SRRM1: variants seen among roughly 807,000 people sequenced by gnomAD.
The protein encoded by SRRM1 is serine/arginine repetitive matrix protein 1.
Under a neutral mutation model 110.2 loss-of-function variants are expected in SRRM1, and 19 were observed. The observed-to-expected ratio is 0.17, with a 90% CI of 0.12 to 0.25. The LOEUF is 0.25. Among genes scored for constraint, SRRM1 ranks in the 10% least tolerant of loss-of-function variants. The pLI is 1.00. For synonymous variants in SRRM1, 443 were observed against 414.9 expected (o/e 1.07, Z -0.82); for missense variants, 918 against 1,145.8 (o/e 0.80, Z 2.87).
At chr1:24,655,319 A>G (rs569549036) in intron 9 of SRRM1, among the ~76,000 whole-genome samples, 190 bp downstream of exon 9, 1 of 152,246 alleles carries the variant, frequency 6.6e-6, no homozygotes, top group Admixed American at 6.5e-5. Context: ...TATGTGTAAA[A>G]GGGTTTTGTT....
At position 24,648,791 on chromosome 1, in the gene SRRM1, G is replaced by T; in HGVS notation, c.235-68G>T. 2.8e-6 allele frequency: 4 copies of T among 1,438,514 alleles called. No individual in the cohort carries two copies. The South Asian group carries it at 4.7e-5, about 17-fold the overall frequency. 89.1% of individuals were successfully genotyped at this position (1,438,514 alleles called of 1,614,324 possible). A position where few individuals can be genotyped will look rare whatever the true frequency, so the allele number is the denominator to read the frequency against. On this transcript the variant is annotated intron_variant, in intron 3 of 16. Transcript: ENST00000323848. ...AAATACTAATTTAAATGAGTTTTAG[G>T]TTGGTTGATTTGTTGGTTGGTTGGT... is the stretch of plus-strand genomic sequence containing the variant.
intron 12 of SRRM1, among the ~76,000 whole-genome samples, chr1:24,663,497 C>T (rs1234664393): frequency 6.6e-6 from 1 of 152,136 alleles, no homozygotes; most frequent in Non-Finnish European, 1.5e-5. Flanking sequence ...CATCAACTTA[C>T]ATCAAGCAGC....
At chr1:24,666,076 C>G (rs2148688302) in intron 12 of SRRM1, among the ~76,000 whole-genome samples, 1 of 152,248 alleles carries the variant, frequency 6.6e-6, no homozygotes, top group Non-Finnish European at 1.5e-5. Context: ...GAGCCTTTCC[C>G]AAAAACACCT....
chr1:24,666,181 T>G (rs1448476289), intron 12 of SRRM1, among the ~76,000 whole-genome samples: 2 of 152,222 alleles, frequency 1.3e-5, no homozygotes, highest in Non-Finnish European at 2.9e-5. Context: ...AGTGCTCTTA[T>G]GTGCTGTTGC....
At chr1:24,661,041 G>A (rs1209835440) in intron 10 of SRRM1, 1 of 537,140 alleles carries the variant, frequency 1.9e-6, no homozygotes, top group Non-Finnish European at 3.3e-6. Context: ...GGACAGTAGA[G>A]GTTTTTGACA....
At chr1:24,650,172 G>T in intron 5 of SRRM1, 86 bp downstream of exon 5, 3 of 1,282,566 alleles carry the variant, frequency 2.3e-6, no homozygotes, top group Non-Finnish European at 3.1e-6. Flanking sequence ...ATCTAACAGC[G>T]CTATTCAAGG....
At chr1:24,660,516 GGC>G (rs1666628494) in intron 9 of SRRM1, among the ~76,000 whole-genome samples, 2 of 152,142 alleles carry the variant, frequency 1.3e-5, no homozygotes, top group Non-Finnish European at 2.9e-5. Flanking sequence ...TGGGCACAGT[GGC>G]TTGTGCCTGT....
intron 12 of SRRM1, 75 bp from the exon 13 acceptor site, chr1:24,666,740 G>A: frequency 8.4e-7 from 1 of 1,189,708 alleles, no homozygotes; most frequent in Admixed American, 2.0e-5. Flanking sequence ...ACTCCAGCCT[G>A]GGCGACAGAG....
Position 24,663,703 on chromosome 1 carries a change from C to A in SRRM1, c.1628+899C>A, listed in dbSNP as rs183047195. On this transcript the variant is annotated intron_variant, in intron 12 of 16. Transcript: ENST00000323848. ...ACCATCCTGGCCAACATGGTGAAAC[C>A]CCATTTCTACTAAAAATACAAAAAT... Among the ~76,000 whole-genome samples, 413 of 151,788 alleles carry A rather than the reference C, an allele frequency of 2.7e-3. 3 individuals carry two copies. The highest frequency in any genetic ancestry group is 4.4e-3 in the Non-Finnish European group (296 of 67,956).
chr1:24,652,058 A>G (rs992228617), intron 6 of SRRM1, among the ~76,000 whole-genome samples: 2 of 135,908 alleles, frequency 1.5e-5, no homozygotes, highest in East Asian at 4.3e-4. Context: ...ATATATATAT[A>G]TATATGTACA....
intron 9 of SRRM1, among the ~76,000 whole-genome samples, chr1:24,660,245 G>T (rs1012187106): frequency 6.6e-6 from 1 of 152,186 alleles, no homozygotes; most frequent in East Asian, 1.9e-4. Flanking sequence ...GTAGCACACA[G>T]AGGTTTACTT....
intron 3 of SRRM1, chr1:24,648,254 T>C (rs1457995459): frequency 6.6e-6 from 1 of 152,250 alleles, no homozygotes. Context: ...CCAATTATTT[T>C]TGAGAAATCT....
Position 24,657,744 on chromosome 1 carries a change from C to G in SRRM1, c.1315+2615C>G, listed in dbSNP as rs186469292. On this transcript the variant is annotated intron_variant, in intron 9 of 16. Transcript: ENST00000323848. Reference sequence around the variant, plus strand: ...CTGACATTTCATAAATTGGCATTATCTTAGTACATAAAATAGTGCTTGAAA... The same window carrying G: ...CTGACATTTCATAAATTGGCATTATGTTAGTACATAAAATAGTGCTTGAAA... Among the ~76,000 whole-genome samples, 27 of 152,302 alleles carry G rather than the reference C, an allele frequency of 1.8e-4. No homozygotes were observed. The East Asian group carries it at 5.0e-3, about 28-fold the overall frequency.
chr1:24,665,432 A>T (rs1279036311), intron 12 of SRRM1, among the ~76,000 whole-genome samples: 2 of 150,186 alleles, frequency 1.3e-5, no homozygotes, highest in South Asian at 2.1e-4. Context: ...TCCGTCTCAA[A>T]AAAAAAAAAA....
intron 14 of SRRM1, 195 bp downstream of exon 14, chr1:24,669,782 C>T (rs1671811344): frequency 1.7e-6 from 1 of 604,390 alleles, no homozygotes; most frequent in African/African-American, 1.9e-5. Context: ...CAGGCTTTTA[C>T]TTGGTTCTTA....
intron 6 of SRRM1, among the ~76,000 whole-genome samples, chr1:24,652,062 A>ATATATATATATATG (rs1661229576): frequency 7.5e-6 from 1 of 132,452 alleles, no homozygotes; most frequent in Admixed American, 7.7e-5. Flanking sequence ...ATATATATAT[A>ATATATATATATATG]TGTACACACA....
intron 8 of SRRM1, chr1:24,654,173 A>G: frequency 1.9e-6 from 1 of 534,178 alleles, no homozygotes; most frequent in South Asian, 1.7e-5. Flanking sequence ...TATTTCTTAT[A>G]CTGGAGTTTT....
chr1:24,669,363 T>C lies in SRRM1; in HGVS notation c.1980T>C (p.His660=), dbSNP rs1304424756. The change falls in exon 14 of 17, where the codon CAT becomes CAC. Residue 660 remains histidine, a synonymous_variant. Transcript: ENST00000323848. Reference sequence around the variant, plus strand: ...GTTCACCTTCATTATCATCCAAGCATAGGAAAGGGTCTTCCCCAAGCCGCT... The same window carrying C: ...GTTCACCTTCATTATCATCCAAGCACAGGAAAGGGTCTTCCCCAAGCCGCT... The part of the protein sequence containing the change: ...KRRSPSLSSK[H]RKGSSPSRST... The C allele has an allele frequency of 1.2e-6, 2 of 1,613,834 alleles. No homozygotes were observed. Among genetic ancestry groups the C allele is most frequent in the Non-Finnish European group, 1.7e-6 (2 of 1,179,994 alleles).
At chr1:24,663,769 C>T (rs1414382862) in intron 12 of SRRM1, among the ~76,000 whole-genome samples, 2 of 151,410 alleles carry the variant, frequency 1.3e-5, no homozygotes, top group Non-Finnish European at 2.9e-5. Flanking sequence ...CCCAGCTACT[C>T]GGAAGGCTGA....
Sources: gnomAD v4.1 joint callset for allele counts (sites outside exome capture counted in the v4.1 genomes callset) on GRCh38, gnomAD v4.1.1 for gene constraint, MANE v1.5 for transcripts, NCBI Gene and HGNC (gene_info 2026-07-23, HGNC 2026-07-21) for gene names.